TMEM45A: variants seen among roughly 807,000 people sequenced by gnomAD.
TMEM45A encodes the protein DNA polymerase-transactivated protein 4.
Under a neutral mutation model 32.0 loss-of-function variants are expected in TMEM45A, and 25 were observed. The observed-to-expected ratio is 0.78, with a 90% CI of 0.57 to 1.09. The LOEUF is 1.09. Among genes scored for constraint, TMEM45A ranks in the 50% least tolerant of loss-of-function variants. TMEM45A has a pLI of 0.00. For synonymous variants in TMEM45A, 122 were observed against 114.8 expected (o/e 1.06, Z -0.40); for missense variants, 302 against 325.0 (o/e 0.93, Z 0.54).
At chr3:100,574,776 G>T (rs945759889) in intron 5 of TMEM45A, 1 of 152,148 alleles carries the variant, frequency 6.6e-6, no homozygotes, top group Non-Finnish European at 1.5e-5. Flanking sequence ...ACCCTTGTTT[G>T]CTGTTTTAAT....
intron 5 of TMEM45A, chr3:100,572,725 T>C (rs1268995301): frequency 6.6e-6 from 1 of 151,954 alleles, no homozygotes; most frequent in African/African-American, 2.4e-5. Flanking sequence ...AGGGTTTTTA[T>C]GGTTTTAGGT....
chr3:100,548,348 T>C (rs886170396), intron 1 of TMEM45A, among the ~76,000 whole-genome samples: 6 of 152,326 alleles, frequency 3.9e-5, no homozygotes, highest in Admixed American at 2.6e-4. Context: ...TCAAATAGCA[T>C]TCCTGTGTCT....
chr3:100,547,658 A>G (rs1351739409), intron 1 of TMEM45A, among the ~76,000 whole-genome samples: 2 of 152,038 alleles, frequency 1.3e-5, no homozygotes, highest in Non-Finnish European at 2.9e-5. Flanking sequence ...CCCATGTATA[A>G]GTGAACCAAC....
rs753279189 is a variant in TMEM45A, at chr3:100,556,860, C to G, written c.291C>G (p.Thr97=). Reference sequence around the variant, plus strand: ...AACTCCTGGGCTGGCATCATTTCACCATGTATTTCTTCTTTGGGCTGTTGG... The same window carrying G: ...AACTCCTGGGCTGGCATCATTTCACGATGTATTTCTTCTTTGGGCTGTTGG... The part of the protein sequence containing the change: ...WNQLLGWHHF[T]MYFFFGLLGV... The change falls in exon 3 of 6, where the codon ACC becomes ACG. Residue 97 remains threonine, a synonymous_variant. Coordinates refer to ENST00000323523, the MANE Select transcript of TMEM45A (RefSeq NM_018004.3). 9 of 1,614,130 alleles carry G rather than the reference C, an allele frequency of 5.6e-6. No homozygotes were observed. The highest frequency in any genetic ancestry group is 7.6e-6 in the Non-Finnish European group (9 of 1,180,018).
intron 1 of TMEM45A, among the ~76,000 whole-genome samples, chr3:100,510,560 G>C (rs1007052376): frequency 6.6e-6 from 1 of 152,170 alleles, no homozygotes; most frequent in African/African-American, 2.4e-5. Flanking sequence ...AAATCAGAGC[G>C]CCTCTCCTCC....
At chr3:100,524,792 C>A (rs539289924) in intron 1 of TMEM45A, among the ~76,000 whole-genome samples, 26 of 152,272 alleles carry the variant, frequency 1.7e-4, no homozygotes, top group Admixed American at 6.5e-4. Flanking sequence ...AGTAAGCTCA[C>A]CTTCCTTCCT....
Position 100,577,079 on chromosome 3 carries a change from T to C in TMEM45A, c.*61T>C, listed in dbSNP as rs1049854269. On this transcript the variant is annotated 3_prime_UTR_variant, in exon 6 of 6. Coordinates refer to ENST00000323523, the MANE Select transcript of TMEM45A (RefSeq NM_018004.3). The stretch of plus-strand genomic sequence containing the variant: ...TTCTTTTTTACATTGTTCTTGGTTT[T>C]GTTTCTCGATCTTTTGTTTGGAGAA... 3 of 1,400,886 alleles carry C rather than the reference T, an allele frequency of 2.1e-6. No individual in the cohort carries two copies. Among genetic ancestry groups the C allele is most frequent in the African/African-American group, 1.4e-5 (1 of 69,728 alleles). 86.8% of individuals were successfully genotyped at this position (1,400,886 alleles called of 1,614,324 possible).
chr3:100,564,461 AATTATT>A (rs1400491304), intron 4 of TMEM45A, among the ~76,000 whole-genome samples: 1 of 151,306 alleles, frequency 6.6e-6, no homozygotes, highest in African/African-American at 2.4e-5. Context: ...AACTAAAGCA[AATTATT>A]ATTATTGTTT....
intron 1 of TMEM45A, among the ~76,000 whole-genome samples, chr3:100,544,726 G>C (rs1705951817): frequency 6.6e-6 from 1 of 152,098 alleles, no homozygotes; most frequent in Non-Finnish European, 1.5e-5. Flanking sequence ...ATGTATCATA[G>C]TTTGTTCATC....
chr3:100,569,906 T>A (rs1461697999), intron 5 of TMEM45A, among the ~76,000 whole-genome samples: 1 of 152,116 alleles, frequency 6.6e-6, no homozygotes, highest in Admixed American at 6.5e-5. Context: ...CTCTTTACAA[T>A]TGAGAATGAA....
At chr3:100,575,309 C>T (rs1233681628) in intron 5 of TMEM45A, among the ~76,000 whole-genome samples, 1 of 149,658 alleles carries the variant, frequency 6.7e-6, no homozygotes, top group Non-Finnish European at 1.5e-5. Context: ...ATCAGTGTCA[C>T]ATCTTCTAGT....
At position 100,555,235 on chromosome 3, in the gene TMEM45A, C is replaced by A; in HGVS notation, c.24C>A (p.Ala8=). Residue 8 remains alanine (A), a synonymous_variant, in exon 2 of 6, where the codon GCC becomes GCA. Coordinates refer to ENST00000323523, the MANE Select transcript of TMEM45A (RefSeq NM_018004.3). MGNFRGH[A]LPGTFFFIIG... ...TCATGGGGAATTTCAGAGGTCATGC[C>A]CTCCCTGGAACCTTCTTTTTTATTA... 1 of 1,603,056 alleles carries A rather than the reference C, an allele frequency of 6.2e-7. No homozygotes were observed. The highest frequency in any genetic ancestry group is 8.5e-7 in the Non-Finnish European group (1 of 1,174,506).
At chr3:100,520,838 C>A (rs1304924132) in intron 1 of TMEM45A, among the ~76,000 whole-genome samples, 1 of 152,064 alleles carries the variant, frequency 6.6e-6, no homozygotes, top group Non-Finnish European at 1.5e-5. Context: ...CCGTCTTGGT[C>A]CAGGAGGTAG....
intron 1 of TMEM45A, among the ~76,000 whole-genome samples, chr3:100,509,348 G>A (rs754759684): frequency 2.6e-4 from 40 of 152,172 alleles, no homozygotes; most frequent in Non-Finnish European, 5.0e-4. Context: ...ATGTAAATTA[G>A]TATAGCCATT....
At chr3:100,537,292 T>C (rs773304658) in intron 1 of TMEM45A, among the ~76,000 whole-genome samples, 1 of 152,150 alleles carries the variant, frequency 6.6e-6, no homozygotes, top group Non-Finnish European at 1.5e-5. Context: ...GAAAGACGTC[T>C]TCTAGTGGGC....
chr3:100,576,824 G>A, intron 5 of TMEM45A, 101 bp from the exon 6 acceptor site: 1 of 942,578 alleles, frequency 1.1e-6, no homozygotes. Flanking sequence ...GCCTTCCCCA[G>A]TTGCCCAAAT....
At chr3:100,565,682 T>C (rs1024737222) in intron 4 of TMEM45A, among the ~76,000 whole-genome samples, 1 of 152,212 alleles carries the variant, frequency 6.6e-6, no homozygotes, top group Admixed American at 6.5e-5. Flanking sequence ...ATTCATTATA[T>C]TATCCTGGTT....
At chr3:100,556,494 G>C (rs1370912291) in intron 2 of TMEM45A, among the ~76,000 whole-genome samples, 1 of 152,166 alleles carries the variant, frequency 6.6e-6, no homozygotes, top group Non-Finnish European at 1.5e-5. Context: ...ATAGGCAGTG[G>C]AACTAAGATC....
At chr3:100,497,306 C>T (rs1331396251) in intron 1 of TMEM45A, among the ~76,000 whole-genome samples, 1 of 152,136 alleles carries the variant, frequency 6.6e-6, no homozygotes, top group East Asian at 1.9e-4. Context: ...TACTCATATG[C>T]ATTACATGAG....
Sources: allele counts gnomAD v4.1 joint callset (sites outside exome capture counted in the v4.1 genomes callset), GRCh38; gene constraint gnomAD v4.1.1; transcripts MANE v1.5; gene names NCBI Gene and HGNC (gene_info 2026-07-23, HGNC 2026-07-21).